THADA: variants seen among roughly 807,000 people sequenced by gnomAD.
THADA encodes the protein tRNA (32-2'-O)-methyltransferase regulator THADA.
Under a neutral mutation model 219.8 loss-of-function variants are expected in THADA, and 213 were observed. The observed-to-expected ratio is 0.97, with a 90% CI of 0.87 to 1.09. The LOEUF (loss-of-function observed/expected upper bound fraction) is 1.09. Ranked by LOEUF, THADA falls within the 50% of genes least tolerant of loss-of-function variation. The pLI is 0.00. For missense variants in THADA, 2,956 were observed against 2,311.3 expected (o/e 1.28, Z -5.72); for synonymous variants, 1,018 against 828.9 (o/e 1.23, Z -3.92).
intron 26 of THADA, among the ~76,000 whole-genome samples, chr2:43,437,456 T>C (rs959351102): frequency 3.9e-5 from 6 of 152,180 alleles, no homozygotes; most frequent in East Asian, 1.9e-4. Context: ...TTGATGTCAA[T>C]ACTGAAAGCT....
chr2:43,433,508 G>A (rs1309058510), intron 26 of THADA, among the ~76,000 whole-genome samples: 1 of 151,782 alleles, frequency 6.6e-6, no homozygotes, highest in African/African-American at 2.4e-5. Flanking sequence ...CAGCCTGGGC[G>A]ACAGAGTGAG....
intron 28 of THADA, among the ~76,000 whole-genome samples, chr2:43,415,159 T>C (rs1392547307): frequency 2.0e-5 from 3 of 152,218 alleles, no homozygotes; most frequent in Non-Finnish European, 4.4e-5. Context: ...TGACTACTAA[T>C]AACTTTTAAG....
At chr2:43,443,810 A>G (rs1681165409) in intron 26 of THADA, among the ~76,000 whole-genome samples, 2 of 152,202 alleles carry the variant, frequency 1.3e-5, no homozygotes, top group Non-Finnish European at 2.9e-5. Context: ...GGCACAACTG[A>G]TGAGAGGCCC....
chr2:43,549,726 T>A (rs997813996), intron 19 of THADA, among the ~76,000 whole-genome samples: 2 of 152,056 alleles, frequency 1.3e-5, no homozygotes, highest in Non-Finnish European at 2.9e-5. Context: ...AATTTAGTTT[T>A]AAGAGGCTAT....
chr2:43,249,690 C>T, intron 36 of THADA, among the ~76,000 whole-genome samples: 1 of 152,180 alleles, frequency 6.6e-6, no homozygotes. Context: ...CTTACAATTT[C>T]CTTCATTCTG....
chr2:43,292,139 G>C lies in THADA; in HGVS notation c.4902C>G (p.Phe1634Leu). The change falls in exon 33 of 38, where the codon TTC (phenylalanine) becomes TTG (leucine). Residue 1634 changes from phenylalanine to leucine, a missense_variant. Transcript: ENST00000405975. Reference sequence around the variant, plus strand: ...AAGCAATATCCATCGTCCAGATCAAGAACTCCTTTGGGGTCAGATGGACAC... The same window carrying C: ...AAGCAATATCCATCGTCCAGATCAACAACTCCTTTGGGGTCAGATGGACAC... ...EHCVHLTPKE[F>L]LIWTMDIASN... 4 of 1,611,542 alleles carry C rather than the reference G, an allele frequency of 2.5e-6. No individual in the cohort carries two copies. Among genetic ancestry groups the C allele is most frequent in the Non-Finnish European group, 3.4e-6 (4 of 1,178,988 alleles).
intron 7 of THADA, among the ~76,000 whole-genome samples, chr2:43,585,791 A>G (rs1700960342): frequency 6.6e-6 from 1 of 152,106 alleles, no homozygotes; most frequent in South Asian, 2.1e-4. Flanking sequence ...ACAGGATGCT[A>G]TGAAAAAGGA....
intron 20 of THADA, among the ~76,000 whole-genome samples, chr2:43,543,700 T>C (rs984418435): frequency 4.6e-5 from 7 of 152,232 alleles, no homozygotes; most frequent in African/African-American, 9.6e-5. Flanking sequence ...TCATGTCCTT[T>C]GCCCACTTTT....
At chr2:43,521,756 C>T (rs1332995161) in intron 22 of THADA, among the ~76,000 whole-genome samples, 1 of 152,212 alleles carries the variant, frequency 6.6e-6, no homozygotes, top group African/African-American at 2.4e-5. Context: ...CTATCTCACT[C>T]CCACTGGATA....
chr2:43,341,341 A>T (rs1422909477), intron 30 of THADA, among the ~76,000 whole-genome samples: 2 of 152,158 alleles, frequency 1.3e-5, no homozygotes, highest in Non-Finnish European at 2.9e-5. Context: ...ATGGAGAAAA[A>T]TCAGAAGTGG....
At chr2:43,574,241 G>A in intron 11 of THADA, 95 bp downstream of exon 11, 1 of 835,666 alleles carries the variant, frequency 1.2e-6, no homozygotes, top group Non-Finnish European at 1.8e-6. Flanking sequence ...TTATAGAAGT[G>A]ATATTTAAAT....
rs1558864377 is a variant in THADA, at chr2:43,501,306, C to CAAA, written c.3622-2352_3622-2351insTTT. Among the ~76,000 whole-genome samples the CAAA allele has an allele frequency of 8.7e-3, 107 of 12,256 alleles. 7 individuals are homozygous for CAAA. Among genetic ancestry groups the CAAA allele is most frequent in the African/African-American group, 0.028 (102 of 3,646 alleles). 8.0% of individuals were successfully genotyped at this position (12,256 alleles called of 152,430 possible). On this transcript the variant is annotated intron_variant, in intron 24 of 37. Coordinates refer to ENST00000405975, the MANE Select transcript of THADA (RefSeq NM_022065.5). The stretch of plus-strand genomic sequence containing the variant: ...GGGCAACAAAAGCGAAACTCCAACT[C>CAAA]CAAAAAAAAAAAAAAAAAAAAAAAA...
At chr2:43,522,205 C>A (rs991484473) in intron 22 of THADA, among the ~76,000 whole-genome samples, 3 of 152,080 alleles carry the variant, frequency 2.0e-5, no homozygotes, top group Non-Finnish European at 4.4e-5. Flanking sequence ...GGAACACAAC[C>A]CTGAAGCACC....
chr2:43,241,303 G>C (rs1052678873), intron 36 of THADA, among the ~76,000 whole-genome samples: 1 of 151,256 alleles, frequency 6.6e-6, no homozygotes, highest in African/African-American at 2.4e-5. Context: ...GGCCCAGGTT[G>C]GTCTTAAACT....
chr2:43,553,225 T>A (rs1696957844), intron 17 of THADA, among the ~76,000 whole-genome samples: 1 of 152,202 alleles, frequency 6.6e-6, no homozygotes, highest in South Asian at 2.1e-4. Context: ...TGTACAAGTT[T>A]TTGTTTAGAT....
intron 19 of THADA, among the ~76,000 whole-genome samples, chr2:43,549,775 T>C (rs1204438287): frequency 6.6e-6 from 1 of 151,660 alleles, no homozygotes; most frequent in Non-Finnish European, 1.5e-5. Context: ...AACAGAAAAG[T>C]AGAAAAAAAT....
At chr2:43,414,351 C>A (rs930862855) in intron 28 of THADA, among the ~76,000 whole-genome samples, 13 of 152,166 alleles carry the variant, frequency 8.5e-5, no homozygotes, top group African/African-American at 3.1e-4. Flanking sequence ...GGCCTTGATG[C>A]GTGGATATCT....
chr2:43,589,098 T>G (rs1164150535), intron 4 of THADA, among the ~76,000 whole-genome samples: 1 of 152,128 alleles, frequency 6.6e-6, no homozygotes. Context: ...AGTATTACCA[T>G]ATGGTCCAGC....
rs538918747 is a variant in THADA at position 43,378,895 on chromosome 2, C to T, written c.4227+19076G>A. ...TGCTGGGATTGCAGACGTGAGCCAT[C>T]GCACCAGCCTAATAATATCTTCAAA... On this transcript the variant is annotated intron_variant, in intron 29 of 37. Transcript: ENST00000405975. Among the ~76,000 whole-genome samples, 5 of 152,250 alleles carry T rather than the reference C, an allele frequency of 3.3e-5. No homozygotes were observed. In the South Asian group the frequency reaches 6.2e-4, roughly 19 times the overall value.
Sources: allele counts gnomAD v4.1 joint callset (sites outside exome capture counted in the v4.1 genomes callset), GRCh38; gene constraint gnomAD v4.1.1; transcripts MANE v1.5; gene names NCBI Gene and HGNC (gene_info 2026-07-23, HGNC 2026-07-21).